Variants in CAMK1D observed in about 807,000 individuals in gnomAD.
The protein encoded by CAMK1D is calcium/calmodulin-dependent protein kinase type 1D.
CAMK1D carries 9 observed loss-of-function variants against 47.7 expected under a neutral mutation model. The ratio of observed to expected loss-of-function variants is 0.19; its 90% CI spans 0.11 to 0.33. The LOEUF (loss-of-function observed/expected upper bound fraction) is 0.33, where lower values mean the gene tolerates loss of function less well. Among genes scored for constraint, CAMK1D ranks in the 10% least tolerant of loss-of-function variants. The probability of loss-of-function intolerance (pLI) is 1.00; values close to 1 mark genes in which losing one functional copy is unlikely to be tolerated. For synonymous variants in CAMK1D, 184 were observed against 184.9 expected (o/e 0.99, Z 0.04); for missense variants, 291 against 488.7 (o/e 0.60, Z 3.81).
At position 12,722,165 on chromosome 10, in the gene CAMK1D, T is replaced by C. The variant is rs528302729; in HGVS notation, c.300-38783T>C. On this transcript the variant is annotated intron_variant, in intron 3 of 10. Transcript: ENST00000619168. ...GGTAGACTTTAAGATAACTCCAGGC[T>C]GGGCGCGGTGGCTCACGCCTGTAAT... 2.6e-4 allele frequency among the ~76,000 whole-genome samples: 39 copies of C among 152,134 alleles called. No individual in the cohort carries two copies. The South Asian group carries it at 5.6e-3, about 22-fold the overall frequency.
chr10:12,503,745 A>G (rs1015052372), intron 1 of CAMK1D, among the ~76,000 whole-genome samples: 6 of 152,078 alleles, frequency 3.9e-5, no homozygotes, highest in Non-Finnish European at 7.4e-5. Flanking sequence ...GATTGGGCCA[A>G]CCTTTCAGGG....
chr10:12,431,272 C>G (rs964199515), intron 1 of CAMK1D, among the ~76,000 whole-genome samples: 5 of 152,140 alleles, frequency 3.3e-5, no homozygotes, highest in African/African-American at 1.2e-4. Flanking sequence ...CCACTGCTGC[C>G]CCTTGGAAGC....
At chr10:12,745,411 GCACA>G (rs113615260) in intron 3 of CAMK1D, among the ~76,000 whole-genome samples, 2 of 151,476 alleles carry the variant, frequency 1.3e-5, no homozygotes, top group South Asian at 2.1e-4. Flanking sequence ...GTGTGCGCAC[GCACA>G]CACACACACG....
At chr10:12,522,523 T>A (rs548510033) in intron 1 of CAMK1D, among the ~76,000 whole-genome samples, 11 of 152,042 alleles carry the variant, frequency 7.2e-5, no homozygotes, top group African/African-American at 2.4e-4. Flanking sequence ...GGCAAGGTCA[T>A]AGATCAACAG....
chr10:12,586,338 A>G (rs1457635673), intron 2 of CAMK1D, among the ~76,000 whole-genome samples: 4 of 151,818 alleles, frequency 2.6e-5, no homozygotes, highest in African/African-American at 7.3e-5. Context: ...AATCCCAGAT[A>G]CTTGGGCGGC....
chr10:12,755,190 A>G (rs1021907486), intron 3 of CAMK1D, among the ~76,000 whole-genome samples: 4 of 152,248 alleles, frequency 2.6e-5, no homozygotes, highest in Non-Finnish European at 5.9e-5. Flanking sequence ...GAGAGGTTGC[A>G]TGAAATGAAA....
chr10:12,496,788 G>A (rs1359139416), intron 1 of CAMK1D, among the ~76,000 whole-genome samples: 4 of 152,118 alleles, frequency 2.6e-5, no homozygotes, highest in Admixed American at 6.6e-5. Flanking sequence ...TTGTTACATA[G>A]GGAAACGTGT....
intron 1 of CAMK1D, among the ~76,000 whole-genome samples, chr10:12,539,151 A>C (rs553464569): frequency 4.9e-4 from 75 of 152,290 alleles, no homozygotes; most frequent in African/African-American, 1.8e-3. Context: ...TGCTATTTCA[A>C]ACTTTTATTG....
intron 1 of CAMK1D, among the ~76,000 whole-genome samples, chr10:12,398,598 C>T (rs550286921): frequency 6.6e-6 from 1 of 152,310 alleles, no homozygotes; most frequent in African/African-American, 2.4e-5. Context: ...ATCCGCCCGC[C>T]TCGGCCTCCC....
chr10:12,446,751 C>T (rs761462127), intron 1 of CAMK1D, among the ~76,000 whole-genome samples: 5 of 152,168 alleles, frequency 3.3e-5, no homozygotes, highest in South Asian at 2.1e-4. Flanking sequence ...AGCTCTATGC[C>T]GGTGATTCCC....
chr10:12,678,876 C>T (rs1285376416), intron 3 of CAMK1D, among the ~76,000 whole-genome samples: 1 of 152,102 alleles, frequency 6.6e-6, no homozygotes, highest in African/African-American at 2.4e-5. Flanking sequence ...GATTCTCCTG[C>T]CTCAGACTCT....
At chr10:12,568,206 TTCCCTTCCCTTCCTGCCCC>T (rs1261156252) in intron 2 of CAMK1D, among the ~76,000 whole-genome samples, 49 of 84,154 alleles carry the variant, frequency 5.8e-4, no homozygotes, top group Admixed American at 1.0e-3. Flanking sequence ...CCCTCTTTCC[TTCCCTTCCCTTCCTGCCCC>T]TCCCTTCCCT....
chr10:12,696,957 G>A (rs10906208), intron 3 of CAMK1D, among the ~76,000 whole-genome samples: 12,297 of 152,146 alleles, frequency 0.081, 1,198 homozygotes, highest in African/African-American at 0.22. Context: ...AGATCAGAGG[G>A]TTCCCAGCTA....
chr10:12,645,778 C>G (rs1259053612), intron 2 of CAMK1D, among the ~76,000 whole-genome samples: 1 of 152,170 alleles, frequency 6.6e-6, no homozygotes, highest in Admixed American at 6.5e-5. Flanking sequence ...GCGCCGCCAT[C>G]ATGTCTGCCA....
At chr10:12,524,620 T>C (rs1241536404) in intron 1 of CAMK1D, among the ~76,000 whole-genome samples, 1 of 151,722 alleles carries the variant, frequency 6.6e-6, no homozygotes, top group Non-Finnish European at 1.5e-5. Context: ...GGCAGGAGAA[T>C]GGCGTGAACC....
At chr10:12,675,254 G>A (rs1840768154) in intron 3 of CAMK1D, among the ~76,000 whole-genome samples, 1 of 151,952 alleles carries the variant, frequency 6.6e-6, no homozygotes, top group East Asian at 1.9e-4. Flanking sequence ...CCATATGTGG[G>A]TAACTCCTCA....
intron 1 of CAMK1D, among the ~76,000 whole-genome samples, chr10:12,425,781 A>G (rs1407757669): frequency 6.6e-6 from 1 of 152,240 alleles, no homozygotes; most frequent in Non-Finnish European, 1.5e-5. Context: ...TTGTTGAACA[A>G]GCGAATATAT....
At chr10:12,420,763 C>T (rs1421978714) in intron 1 of CAMK1D, among the ~76,000 whole-genome samples, 2 of 152,158 alleles carry the variant, frequency 1.3e-5, no homozygotes, top group Non-Finnish European at 2.9e-5. Flanking sequence ...AATGACTCCA[C>T]TTCTCTCCTA....
intron 1 of CAMK1D, among the ~76,000 whole-genome samples, chr10:12,455,426 G>A (rs999752544): frequency 1.3e-5 from 2 of 152,156 alleles, no homozygotes; most frequent in African/African-American, 4.8e-5. Flanking sequence ...CGCCCGCCTT[G>A]GCCTTCCAAA....
Sources: gnomAD v4.1 joint callset for allele counts (sites outside exome capture counted in the v4.1 genomes callset) on GRCh38, gnomAD v4.1.1 for gene constraint, MANE v1.5 for transcripts, NCBI Gene and HGNC (gene_info 2026-07-23, HGNC 2026-07-21) for gene names.